TMEM63B: variants seen among roughly 807,000 people sequenced by gnomAD.
TMEM63B encodes mechanosensitive cation channel TMEM63B.
TMEM63B carries 23 observed loss-of-function variants against 102.6 expected under a neutral mutation model. The observed-to-expected ratio is 0.22, with a 90% CI of 0.16 to 0.32. The LOEUF (loss-of-function observed/expected upper bound fraction) is 0.32, where lower values mean the gene tolerates loss of function less well. Ranked by LOEUF, TMEM63B falls within the 10% of genes least tolerant of loss-of-function variation. The pLI is 1.00. For synonymous variants in TMEM63B, 444 were observed against 437.0 expected, an observed-to-expected ratio of 1.02 and a Z score of -0.20; for missense variants, 628 against 1,095.9, an observed-to-expected ratio of 0.57 and a Z score of 6.03.
chr6:44,144,517 T>A (rs942988373), intron 10 of TMEM63B, among the ~76,000 whole-genome samples: 1 of 152,144 alleles, frequency 6.6e-6, no homozygotes, highest in Non-Finnish European at 1.5e-5. Context: ...TTCTCATGGG[T>A]TTATGAGGAC....
At chr6:44,145,629 AC>A in intron 10 of TMEM63B, among the ~76,000 whole-genome samples, 1 of 147,938 alleles carries the variant, frequency 6.8e-6, no homozygotes, top group Non-Finnish European at 1.5e-5. Context: ...CAAAAACGAA[AC>A]AAAAAACAAA....
chr6:44,151,782 G>T, intron 18 of TMEM63B, 64 bp from the exon 19 acceptor site: 1 of 1,515,826 alleles, frequency 6.6e-7, no homozygotes, highest in East Asian at 2.3e-5. Flanking sequence ...TGTAGTTCTG[G>T]CAGTGGGCGG....
In TMEM63B at chr6:44,148,210, G is replaced by A. The variant is rs1360322687; in HGVS notation, c.988-42G>A. On this transcript the variant is annotated intron_variant, in intron 12 of 23. Coordinates refer to ENST00000323267, the MANE Select transcript of TMEM63B (RefSeq NM_018426.3). The surrounding 1 kb of genome is among the most constrained non-coding windows in gnomAD (Gnocchi z 5.1). ...GGCTGGATGCTGCAGGCCCCAGCCT[G>A]GCTTTCCAACTAGAGGCCCTGTCCC... 6.2e-6 allele frequency: 10 copies of A among 1,610,420 alleles called. No individual in the cohort carries two copies. Among genetic ancestry groups the A allele is most frequent in the Non-Finnish European group, 8.5e-6 (10 of 1,177,392 alleles).
chr6:44,130,812 C>A lies in TMEM63B; in HGVS notation c.-25+3134C>A, dbSNP rs556592124. ...TCTTGCCCAGGCTGGAGTGCAGTGG[C>A]ATGATCATGGCTGACTGCAGCCTCC... On this transcript the variant is annotated intron_variant, in intron 1 of 23. Transcript: ENST00000323267. Among the ~76,000 whole-genome samples, 21 of 150,232 alleles carry A rather than the reference C, an allele frequency of 1.4e-4. 2 individuals are homozygous for A. The South Asian group carries it at 4.0e-3, about 29-fold the overall frequency.
intron 12 of TMEM63B, 26 bp downstream of exon 12, chr6:44,147,526 C>T (rs772228202): frequency 3.1e-5 from 50 of 1,612,214 alleles, no homozygotes; most frequent in South Asian, 2.3e-4. Context: ...GCTGTTGAGT[C>T]GGGAGAAGTT....
Position 44,154,963 on chromosome 6 carries a change from T to A in TMEM63B, c.*80T>A, listed in dbSNP as rs950876231. 7.5e-7 allele frequency: 1 copy of A among 1,328,842 alleles called. No individual in the cohort carries two copies. The highest frequency in any genetic ancestry group is 1.5e-5 in the African/African-American group (1 of 65,898). The allele number at this position is 1,328,842 out of a possible 1,614,324, so 82.3% of individuals were successfully genotyped here. A position where few individuals can be genotyped will look rare whatever the true frequency, so the allele number is the denominator to read the frequency against. On this transcript the variant is annotated 3_prime_UTR_variant, in exon 24 of 24. Coordinates refer to ENST00000323267, the MANE Select transcript of TMEM63B (RefSeq NM_018426.3). ...CGGACACTAAAACGCTAATAATTTA[T>A]TAGATCTAAAGCCCCTTCCTCCCCA...
chr6:44,154,766 T>C lies in TMEM63B; in HGVS notation c.2382T>C (p.Asp794=). ...DGDGAPGSSG[D]EPPSSSSQDE... is the part of the protein sequence containing the mutation. The stretch of plus-strand genomic sequence containing the variant: ...ATGGGGCTCCTGGGAGCTCAGGGGA[T>C]GAGCCCCCATCATCCTCATCCCAAG... Residue 794 remains aspartate, a synonymous_variant, in exon 24 of 24, where the codon GAT becomes GAC. Transcript: ENST00000323267. The C allele has an allele frequency of 1.2e-6, 2 of 1,607,912 alleles. No homozygotes were observed. Among genetic ancestry groups the C allele is most frequent in the Non-Finnish European group, 1.7e-6 (2 of 1,178,036 alleles).
At chr6:44,141,162 T>C in intron 10 of TMEM63B, 64 bp downstream of exon 10, 1 of 1,499,408 alleles carries the variant, frequency 6.7e-7, no homozygotes, top group Non-Finnish European at 9.2e-7. Flanking sequence ...GCCTTTGAAC[T>C]CTAAGAACAT....
chr6:44,130,085 G>C (rs1187393503), intron 1 of TMEM63B, among the ~76,000 whole-genome samples: 6 of 152,182 alleles, frequency 3.9e-5, no homozygotes, highest in Admixed American at 6.5e-5. Context: ...CAAGAGGAAA[G>C]GCAAGCAGGT....
At chr6:44,138,733 C>T in intron 6 of TMEM63B, 2 of 449,968 alleles carry the variant, frequency 4.4e-6, no homozygotes, top group Non-Finnish European at 8.1e-6. Context: ...TGACCCCCTG[C>T]CGGCCCCCCC....
At chr6:44,153,868 G>T (rs749427014) in intron 21 of TMEM63B, 25 bp downstream of exon 21, 2 of 1,604,066 alleles carry the variant, frequency 1.2e-6, no homozygotes, top group South Asian at 1.1e-5. Context: ...CCCAGGGAAC[G>T]GGGGGTGGCG....
intron 10 of TMEM63B, among the ~76,000 whole-genome samples, chr6:44,146,456 T>G (rs1271061656): frequency 2.7e-5 from 4 of 149,634 alleles, no homozygotes; most frequent in African/African-American, 7.3e-5. Context: ...TGGGTTTTTT[T>G]GTCTTTTTTT....
At position 44,150,459 on chromosome 6, in the gene TMEM63B, CAT is replaced by C. The variant is rs2128264069; in HGVS notation, c.1608-104_1608-103del. On this transcript the variant is annotated intron_variant, in intron 17 of 23. Coordinates refer to ENST00000323267, the MANE Select transcript of TMEM63B (RefSeq NM_018426.3). This position sits in a 1 kb window ranked among gnomAD's most constrained non-coding sequence, Gnocchi z 4.7. ...CCCAGGCCTCCTGAGCTACCCACCC[CAT>C]GTCTGGGAGTCTCCCCAGTGGCTCA... 4.0e-6 allele frequency: 6 copies of C among 1,488,446 alleles called. No homozygotes were observed. In the South Asian group the frequency reaches 6.9e-5, roughly 17 times the overall value. The allele number at this position is 1,488,446 out of a possible 1,614,324, so 92.2% of individuals were successfully genotyped here.
At chr6:44,127,172 C>T (rs1417629411), upstream of TMEM63B, 1 of 149,964 alleles carries the variant, frequency 6.7e-6, no homozygotes, top group African/African-American at 2.5e-5. Context: ...GTCGGGACCC[C>T]CCTCCCCGTC....
chr6:44,143,639 G>A (rs1226848631), intron 10 of TMEM63B, among the ~76,000 whole-genome samples: 1 of 152,114 alleles, frequency 6.6e-6, no homozygotes, highest in East Asian at 1.9e-4. Context: ...TGCTTGGGGA[G>A]GAGCTGGGGG....
chr6:44,147,577 G>T (rs1765681984), intron 12 of TMEM63B, 77 bp downstream of exon 12: 1 of 1,563,434 alleles, frequency 6.4e-7, no homozygotes, highest in Admixed American at 1.9e-5. Flanking sequence ...CCTGCCCTCA[G>T]TGAGTCCCCA....
chr6:44,128,214 G>A (rs1777588837), intron 1 of TMEM63B, among the ~76,000 whole-genome samples: 1 of 152,180 alleles, frequency 6.6e-6, no homozygotes, highest in Non-Finnish European at 1.5e-5. Flanking sequence ...GGCAGGGTTC[G>A]CAGGTGCTGG....
rs571108091 is a variant in TMEM63B at position 44,154,297 on chromosome 6, C to T, written c.2227-68C>T. 2.9e-4 allele frequency: 459 copies of T among 1,601,386 alleles called. No homozygotes were observed. The African/African-American group carries it at 3.2e-3, about 11-fold the overall frequency. On this transcript the variant is annotated intron_variant, in intron 22 of 23. Transcript: ENST00000323267. ...TGAGGGCAGCGCCAACAGGGCCAAG[C>T]GGGCGTGGGGTCATGATCAGGGCTG...
intron 10 of TMEM63B, among the ~76,000 whole-genome samples, chr6:44,141,917 T>A (rs1369268290): frequency 6.8e-6 from 1 of 146,774 alleles, no homozygotes; most frequent in Non-Finnish European, 1.5e-5. Context: ...AGCCCAGGAG[T>A]TGAAGACCAG....
Sources: allele counts gnomAD v4.1 joint callset (sites outside exome capture counted in the v4.1 genomes callset), GRCh38; gene constraint gnomAD v4.1.1; non-coding constraint Gnocchi (gnomAD v3.1); transcripts MANE v1.5; gene names NCBI Gene and HGNC (gene_info 2026-07-23, HGNC 2026-07-21).